Variants in MINDY2 observed in about 807,000 individuals in gnomAD.
MINDY2 encodes the protein ubiquitin carboxyl-terminal hydrolase MINDY-2.
MINDY2 carries 52 observed loss-of-function variants against 68.2 expected under a neutral mutation model. That is an observed-to-expected ratio of 0.76 (90% CI 0.61 to 0.96). MINDY2 has a LOEUF of 0.96. MINDY2 is among the 40% of genes least tolerant of loss of function. MINDY2 has a pLI of 0.00. For missense variants in MINDY2, 881 were observed against 773.4 expected (o/e 1.14, Z -1.65); for synonymous variants, 372 against 303.0 (o/e 1.23, Z -2.36).
chr15:58,809,219 C>T (rs1457675342), intron 3 of MINDY2, among the ~76,000 whole-genome samples: 1 of 152,048 alleles, frequency 6.6e-6, no homozygotes, highest in African/African-American at 2.4e-5. Context: ...ATTCATCAAA[C>T]AACCCCCCTT....
intron 7 of MINDY2, among the ~76,000 whole-genome samples, chr15:58,847,888 A>G (rs970653862): frequency 7.9e-5 from 12 of 152,196 alleles, no homozygotes; most frequent in Non-Finnish European, 1.5e-4. Context: ...AGAGATGAGC[A>G]CATATCTGAG....
intron 2 of MINDY2, among the ~76,000 whole-genome samples, chr15:58,797,679 C>G (rs1358041540): frequency 6.6e-6 from 1 of 152,156 alleles, no homozygotes. Flanking sequence ...CATTCTGGCT[C>G]TACTTTCTGT....
intron 4 of MINDY2, among the ~76,000 whole-genome samples, chr15:58,814,028 C>G (rs1392425401): frequency 6.6e-6 from 1 of 151,330 alleles, no homozygotes; most frequent in Non-Finnish European, 1.5e-5. Context: ...GCCTCCTGCT[C>G]CCAGGTTCAA....
chr15:58,854,426 T>G, intron 8 of MINDY2, 56 bp from the exon 9 acceptor site: 1 of 1,566,568 alleles, frequency 6.4e-7, no homozygotes, highest in African/African-American at 1.4e-5. Flanking sequence ...TAGATAACCA[T>G]GAGTAAGTCC....
At chr15:58,798,221 A>G (rs1253248513) in intron 2 of MINDY2, among the ~76,000 whole-genome samples, 1 of 151,880 alleles carries the variant, frequency 6.6e-6, no homozygotes, top group Non-Finnish European at 1.5e-5. Flanking sequence ...AGCTCAAGCA[A>G]TTCTCCTGCC....
chr15:58,778,507 TA>T (rs557835517), intron 1 of MINDY2, among the ~76,000 whole-genome samples: 4 of 136,806 alleles, frequency 2.9e-5, no homozygotes, highest in Non-Finnish European at 6.4e-5. Context: ...TTCTGTAAAA[TA>T]AAAAAAAGCT....
At chr15:58,772,885 C>T (rs1193829067) in intron 1 of MINDY2, among the ~76,000 whole-genome samples, 6 of 152,094 alleles carry the variant, frequency 3.9e-5, no homozygotes, top group African/African-American at 1.4e-4. Context: ...TTACCAGTAA[C>T]CATGCATCCG....
At chr15:58,808,145 T>C (rs654870) in intron 3 of MINDY2, among the ~76,000 whole-genome samples, 41,298 of 151,808 alleles carry the variant, frequency 0.27, 6,209 homozygotes, top group East Asian at 0.61. Flanking sequence ...CCTAACCCCA[T>C]ACACACAGCT....
At chr15:58,827,360 C>T (rs1397580332) in intron 5 of MINDY2, among the ~76,000 whole-genome samples, 1 of 152,090 alleles carries the variant, frequency 6.6e-6, no homozygotes, top group African/African-American at 2.4e-5. Context: ...TTCTGTTATT[C>T]CTTCTGTTTA....
chr15:58,832,444 G>T (rs1309918234), intron 6 of MINDY2, among the ~76,000 whole-genome samples: 1 of 151,566 alleles, frequency 6.6e-6, no homozygotes, highest in African/African-American at 2.4e-5. Flanking sequence ...GGTCAGGCTG[G>T]TGTCAAACTC....
intron 1 of MINDY2, among the ~76,000 whole-genome samples, chr15:58,785,822 G>A (rs1200528151): frequency 6.6e-6 from 1 of 151,970 alleles, no homozygotes; most frequent in Non-Finnish European, 1.5e-5. Context: ...GACTACAGGT[G>A]TGCGCCACCA....
chr15:58,804,347 T>C (rs1319694717), intron 3 of MINDY2, among the ~76,000 whole-genome samples: 3 of 152,226 alleles, frequency 2.0e-5, no homozygotes, highest in African/African-American at 7.2e-5. Context: ...CATGTATTTA[T>C]GAAATTTATA....
rs551943 is a variant in MINDY2 at position 58,855,214 on chromosome 15, T to A, written c.*604T>A. 150,924 of 152,758 alleles carry A rather than the reference T, an allele frequency of 0.99. 74,588 individuals are homozygous for A. Among genetic ancestry groups the A allele is most frequent in the East Asian group, 1 (5,188 of 5,188 alleles). The allele number at this position is 152,758 out of a possible 1,614,324, so 9.5% of individuals were successfully genotyped here. ...GTATTATCTTGATCATGGAGCTTAG[T>A]TTTAATTTAGATAGCAAAAATAAAG... is the stretch of plus-strand genomic sequence containing the variant. On this transcript the variant is annotated 3_prime_UTR_variant, in exon 9 of 9. Coordinates refer to ENST00000559228, the MANE Select transcript of MINDY2 (RefSeq NM_001040450.3).
chr15:58,802,439 A>G (rs1172888643), intron 3 of MINDY2, 62 bp downstream of exon 3: 15 of 1,085,568 alleles, frequency 1.4e-5, no homozygotes, highest in Non-Finnish European at 1.8e-5. Context: ...ATTGGTTTCT[A>G]TTAGTAGCTG....
At chr15:58,800,834 C>CA (rs59075081) in intron 2 of MINDY2, among the ~76,000 whole-genome samples, 4 of 109,246 alleles carry the variant, frequency 3.7e-5, no homozygotes, top group East Asian at 2.7e-4. Flanking sequence ...GACTCTGTCT[C>CA]AAAAAAAAAA....
At chr15:58,853,844 T>G (rs2032952353) in intron 8 of MINDY2, among the ~76,000 whole-genome samples, 2 of 135,034 alleles carry the variant, frequency 1.5e-5, no homozygotes, top group African/African-American at 2.8e-5. Flanking sequence ...AAAAAAAAAG[T>G]CTGTTTATTA....
chr15:58,837,730 C>T lies in MINDY2; in HGVS notation c.1368+5814C>T, dbSNP rs73428557. 8.9e-3 allele frequency among the ~76,000 whole-genome samples: 1,349 copies of T among 151,902 alleles called. 21 individuals are homozygous for T. Among genetic ancestry groups the T allele is most frequent in the African/African-American group, 0.031 (1,270 of 41,418 alleles). Reference sequence around the variant, plus strand: ...CATGTAATTGCAGTACTTTGAGAGGCAGAGGTGGGAAGATCACTTGAGCCC... The same window carrying T: ...CATGTAATTGCAGTACTTTGAGAGGTAGAGGTGGGAAGATCACTTGAGCCC... On this transcript the variant is annotated intron_variant, in intron 6 of 8. Transcript: ENST00000559228.
intron 4 of MINDY2, among the ~76,000 whole-genome samples, chr15:58,812,836 A>G (rs2030390118): frequency 6.6e-6 from 1 of 152,140 alleles, no homozygotes; most frequent in African/African-American, 2.4e-5. Flanking sequence ...CCAGCCTGAG[A>G]GAAAGAGCGA....
chr15:58,789,278 C>A (rs532814760), intron 2 of MINDY2, among the ~76,000 whole-genome samples: 1 of 152,042 alleles, frequency 6.6e-6, no homozygotes, highest in Non-Finnish European at 1.5e-5. Context: ...GCATAGCTTG[C>A]AGTGAGCCGA....
Sources: allele counts gnomAD v4.1 joint callset (sites outside exome capture counted in the v4.1 genomes callset), GRCh38; gene constraint gnomAD v4.1.1; transcripts MANE v1.5; gene names NCBI Gene and HGNC (gene_info 2026-07-23, HGNC 2026-07-21).